KRT8: variants seen among roughly 807,000 people sequenced by gnomAD.
KRT8 encodes keratin, type II cytoskeletal 8.
In KRT8, 24 loss-of-function variants were observed where a neutral mutation model predicts 43.0. The observed-to-expected ratio is 0.56, with a 90% CI of 0.40 to 0.78. The LOEUF (loss-of-function observed/expected upper bound fraction) is 0.78. Ranked by LOEUF, KRT8 falls within the 30% of genes least tolerant of loss-of-function variation. The probability of loss-of-function intolerance (pLI) is 0.00; values close to 1 mark genes in which losing one functional copy is unlikely to be tolerated. For synonymous variants in KRT8, 214 were observed against 261.2 expected (o/e 0.82, Z 1.74); for missense variants, 492 against 638.4 (o/e 0.77, Z 2.47).
chr12:52,930,577 T>C (rs1942067204), intron 2 of KRT8, among the ~76,000 whole-genome samples: 1 of 152,138 alleles, frequency 6.6e-6, no homozygotes, highest in East Asian at 1.9e-4. Context: ...TTTCCTTTTT[T>C]TGAGACAAAG....
upstream of KRT8, among the ~76,000 whole-genome samples, chr12:52,907,274 A>T (rs2682300): frequency 0.74 from 111,926 of 151,606 alleles, 41,826 homozygotes; most frequent in East Asian, 0.87. Flanking sequence ...AGAAGCTTTT[A>T]ACAGAAGACC....
chr12:52,905,721 G>GCACA (rs746497497), upstream of KRT8, among the ~76,000 whole-genome samples: 2 of 143,196 alleles, frequency 1.4e-5, no homozygotes, highest in African/African-American at 2.6e-5. Context: ...CATCACACGC[G>GCACA]CACACACACA....
Position 52,901,863 on chromosome 12 carries a change from C to A in KRT8, c.533+1G>T. 1 of 1,606,040 alleles carries A rather than the reference C, an allele frequency of 6.2e-7. No individual in the cohort carries two copies. Among genetic ancestry groups the A allele is most frequent in the South Asian group, 1.1e-5 (1 of 90,886 alleles). ...TTGGGTGGAGGGTGGGAGTTGCTCACTTGTTCTTGAAGTCCTCCACCAGCC... is the reference window on the plus strand; with the variant it reads ...TTGGGTGGAGGGTGGGAGTTGCTCAATTGTTCTTGAAGTCCTCCACCAGCC... On this transcript the variant is annotated splice_donor_variant, in intron 2 of 7. Coordinates refer to ENST00000692008, the Ensembl canonical transcript of KRT8. LOFTEE classifies it high-confidence loss of function.
intron 2 of KRT8, among the ~76,000 whole-genome samples, chr12:52,945,012 A>G (rs1001252173): frequency 1.2e-4 from 18 of 151,960 alleles, no homozygotes; most frequent in Admixed American, 6.5e-4. Context: ...GCACTTTCTG[A>G]TGACCCCCAC....
chr12:52,949,159 C>G lies in KRT8; in HGVS notation c.-47+297G>C, dbSNP rs267607653. ...GCAAAGCCTGAGTCCTGTCCTTTCT[C>G]TCTCCCCGGACAGCATGAGCTTCAC... On this transcript the variant is annotated intron_variant, in intron 2 of 6. Transcript: ENST00000546826. The G allele has an allele frequency of 7.1e-6, 11 of 1,544,780 alleles. No homozygotes were observed. The highest frequency in any genetic ancestry group is 2.3e-5 in the East Asian group (1 of 44,386).
At chr12:52,920,219 A>G (rs574719616) in intron 2 of KRT8, among the ~76,000 whole-genome samples, 1 of 152,230 alleles carries the variant, frequency 6.6e-6, no homozygotes, top group Non-Finnish European at 1.5e-5. Context: ...CAAAAGAGCT[A>G]TATTACATTT....
At chr12:52,929,552 ATCTC>A (rs893184403) in intron 2 of KRT8, among the ~76,000 whole-genome samples, 2 of 151,900 alleles carry the variant, frequency 1.3e-5, no homozygotes, top group Non-Finnish European at 2.9e-5. Context: ...ATTTCTTGCT[ATCTC>A]TCTGGCCACT....
At chr12:52,935,281 A>G (rs572701110) in intron 2 of KRT8, among the ~76,000 whole-genome samples, 44 of 145,594 alleles carry the variant, frequency 3.0e-4, no homozygotes, top group African/African-American at 1.1e-3. Flanking sequence ...CAGGTGACTG[A>G]GGCAGGAGAA....
At chr12:52,937,580 C>G (rs11616033) in intron 2 of KRT8, among the ~76,000 whole-genome samples, 1 of 150,598 alleles carries the variant, frequency 6.6e-6, no homozygotes, top group Non-Finnish European at 1.5e-5. Context: ...CCCAGCTACT[C>G]TGGAGGCTGA....
chr12:52,938,170 A>ATATATATATATTT (rs1555189967), intron 2 of KRT8, among the ~76,000 whole-genome samples: 7 of 30,308 alleles, frequency 2.3e-4, no homozygotes, highest in African/African-American at 4.3e-4. Context: ...ATATATATAT[A>ATATATATATATTT]TTTTTTTTTT....
rs141959036 is a variant in KRT8 at position 52,926,223 on chromosome 12, T to G, written c.-46-21196A>C. 3.9e-3 allele frequency among the ~76,000 whole-genome samples: 507 copies of G among 130,342 alleles called. 1 individual carries two copies. The highest frequency in any genetic ancestry group is 0.023 in the Middle Eastern group (5 of 218). 85.5% of individuals were successfully genotyped at this position (130,342 alleles called of 152,430 possible). On this transcript the variant is annotated intron_variant, in intron 2 of 6. Transcript: ENST00000546826. ...AGCCAGACTGATCTTCTACAAACACTGCTTTGATCCTGTCACTCCCTAGCC... is the reference window on the plus strand; with the variant it reads ...AGCCAGACTGATCTTCTACAAACACGGCTTTGATCCTGTCACTCCCTAGCC...
upstream of KRT8, among the ~76,000 whole-genome samples, chr12:52,911,173 G>A (rs956332999): frequency 6.6e-6 from 1 of 152,116 alleles, no homozygotes; most frequent in African/African-American, 2.4e-5. Flanking sequence ...CCAACATGGT[G>A]AAACCCCATT....
intron 2 of KRT8, among the ~76,000 whole-genome samples, chr12:52,921,396 T>C (rs1941883431): frequency 6.6e-6 from 1 of 152,140 alleles, no homozygotes; most frequent in South Asian, 2.1e-4. Context: ...ATTGTCCAGC[T>C]GCAAAAGTCA....
At chr12:52,918,240 A>AGAAGAAGAAGAAGAAGAAGAGGAG (rs1565725871) in intron 2 of KRT8, among the ~76,000 whole-genome samples, 1 of 151,828 alleles carries the variant, frequency 6.6e-6, no homozygotes, top group African/African-American at 2.4e-5. Flanking sequence ...AAGAAGAAGA[A>AGAAGAAGAAGAAGAAGAAGAGGAG]GAAGAAGAAG....
intron 6 of KRT8, 54 bp from the exon 7 acceptor site, chr12:52,898,573 GAAC>G (rs2120542168): frequency 2.5e-6 from 4 of 1,612,222 alleles, no homozygotes; most frequent in African/African-American, 2.7e-5. Flanking sequence ...TCTTGGCCCA[GAAC>G]AACAGGACCC....
exon 1 of KRT8, chr12:52,905,031 G>C: frequency 6.4e-7 from 1 of 1,568,668 alleles, no homozygotes; most frequent in Non-Finnish European, 8.6e-7. Flanking sequence ...GGAGATCCTA[G>C]AAGGAGCGGA....
chr12:52,899,601 A>G (rs758603113), intron 5 of KRT8, among the ~76,000 whole-genome samples, 174 bp downstream of exon 5: 3 of 151,964 alleles, frequency 2.0e-5, no homozygotes, highest in Admixed American at 1.3e-4. Context: ...CCTTCCCTGC[A>G]TCCCTTTGCT....
intron 2 of KRT8, chr12:52,946,491 C>G (rs1942345880): frequency 6.6e-6 from 1 of 152,192 alleles, no homozygotes; most frequent in Non-Finnish European, 1.5e-5. Flanking sequence ...TTACTGTTTT[C>G]CCTGTACAAG....
intron 2 of KRT8, among the ~76,000 whole-genome samples, chr12:52,922,512 A>C (rs1941909335): frequency 6.6e-6 from 1 of 152,200 alleles, no homozygotes; most frequent in Non-Finnish European, 1.5e-5. Context: ...GTCTCTACTG[A>C]AAATACAAAA....
Sources: gnomAD v4.1 joint callset for allele counts (sites outside exome capture counted in the v4.1 genomes callset) on GRCh38, gnomAD v4.1.1 for gene constraint, MANE v1.5 for transcripts, NCBI Gene and HGNC (gene_info 2026-07-23, HGNC 2026-07-21) for gene names.